NXPE2: variants seen among roughly 807,000 people sequenced by gnomAD.
The protein encoded by NXPE2 is NXPE family member 2.
A neutral mutation model predicts 34.4 loss-of-function variants in NXPE2; 34 were observed. That is an observed-to-expected ratio of 0.99 (90% CI 0.75 to 1.31). The LOEUF (loss-of-function observed/expected upper bound fraction) is 1.31, where lower values mean the gene tolerates loss of function less well. Ranked by LOEUF, NXPE2 falls within the 40% of genes most tolerant of loss-of-function variation. The pLI is 0.00. For synonymous variants in NXPE2, 235 were observed against 231.3 expected, an observed-to-expected ratio of 1.02 and a Z score of -0.15; for missense variants, 649 against 672.5, an observed-to-expected ratio of 0.97 and a Z score of 0.39.
chr11:114,771,351 A>G, the NXPE2 span, among the ~76,000 whole-genome samples: 4 of 149,946 alleles, frequency 2.7e-5, no homozygotes, highest in South Asian at 2.2e-4. Context: ...TGACAGCACA[A>G]GGATATTCAA....
chr11:114,716,137 G>A, the NXPE2 span, among the ~76,000 whole-genome samples: 9 of 152,120 alleles, frequency 5.9e-5, no homozygotes, highest in African/African-American at 1.4e-4. Context: ...GTACCCCCTC[G>A]GTTTTCATTT....
chr11:114,540,439 T>C, the NXPE2 span, among the ~76,000 whole-genome samples: 1 of 152,208 alleles, frequency 6.6e-6, no homozygotes, highest in Non-Finnish European at 1.5e-5. Context: ...CACTAACTCA[T>C]AACTATATAT....
At chr11:114,717,594 T>C in the NXPE2 span, among the ~76,000 whole-genome samples, 1 of 152,212 alleles carries the variant, frequency 6.6e-6, no homozygotes. Flanking sequence ...TTAACTTCCA[T>C]GAGTGTGTTT....
At chr11:114,607,471 C>T in the NXPE2 span, among the ~76,000 whole-genome samples, 1 of 151,754 alleles carries the variant, frequency 6.6e-6, no homozygotes, top group African/African-American at 2.4e-5. Flanking sequence ...ATAAATATTG[C>T]CTCATGGGTG....
the NXPE2 span, among the ~76,000 whole-genome samples, chr11:114,728,531 C>T: frequency 6.6e-6 from 1 of 152,074 alleles, no homozygotes; most frequent in Non-Finnish European, 1.5e-5. Context: ...TGACAAAACA[C>T]ATCAGTTAAA....
the NXPE2 span, among the ~76,000 whole-genome samples, chr11:114,799,311 A>AAAG: frequency 3.8e-5 from 5 of 133,020 alleles, no homozygotes; most frequent in Non-Finnish European, 4.8e-5. Flanking sequence ...AAAAAAAAAA[A>AAAG]AAAATTGGTG....
the NXPE2 span, among the ~76,000 whole-genome samples, chr11:114,610,013 T>C: frequency 0.18 from 26,800 of 151,526 alleles, 2,620 homozygotes; most frequent in African/African-American, 0.25. Flanking sequence ...TGGTAGATAA[T>C]ACATGTTGCC....
At chr11:114,658,753 G>A in the NXPE2 span, among the ~76,000 whole-genome samples, 1 of 152,186 alleles carries the variant, frequency 6.6e-6, no homozygotes, top group Non-Finnish European at 1.5e-5. Context: ...TTCTAATGCT[G>A]TGGAGAAGAG....
the NXPE2 span, among the ~76,000 whole-genome samples, chr11:114,763,903 C>A: frequency 6.6e-6 from 1 of 152,074 alleles, no homozygotes; most frequent in African/African-American, 2.4e-5. Flanking sequence ...TCTAATTTTT[C>A]TTTATCAGTC....
chr11:114,511,033 C>T, the NXPE2 span, among the ~76,000 whole-genome samples: 3 of 152,016 alleles, frequency 2.0e-5, no homozygotes, highest in African/African-American at 4.8e-5. Flanking sequence ...TCTTCTACTA[C>T]CAACCTAGGA....
At chr11:114,522,319 G>GT in the NXPE2 span, 1 of 1,614,098 alleles carries the variant, frequency 6.2e-7, no homozygotes, top group South Asian at 1.1e-5. Flanking sequence ...CGATGGCTGT[G>GT]TTTTTGTCAC....
chr11:114,515,750 A>G, the NXPE2 span, among the ~76,000 whole-genome samples: 1 of 106,050 alleles, frequency 9.4e-6, no homozygotes, highest in Non-Finnish European at 1.8e-5. Context: ...GAAAGTAAGT[A>G]TGAAAGGGCA....
At chr11:114,646,057 A>T in the NXPE2 span, among the ~76,000 whole-genome samples, 1 of 152,134 alleles carries the variant, frequency 6.6e-6, no homozygotes, top group Non-Finnish European at 1.5e-5. Flanking sequence ...ATATGATATG[A>T]TCTGCAAATA....
rs188578572 is a variant in NXPE2 at position 114,690,682 on chromosome 11, T to C, written c.133-7363T>C. Among the ~76,000 whole-genome samples the C allele has an allele frequency of 4.1e-4, 62 of 152,294 alleles. 1 individual carries two copies. The highest frequency in any genetic ancestry group is 7.2e-4 in the Non-Finnish European group (49 of 68,012). ...GACATTTTCCTATATTCAAATATAC[T>C]TTCCAAGTTGCTTACTCTCCCTTCT... On this transcript the variant is annotated intron_variant, in intron 2 of 5. Transcript: ENST00000389586.
At chr11:114,643,070 G>A in the NXPE2 span, among the ~76,000 whole-genome samples, 2 of 152,206 alleles carry the variant, frequency 1.3e-5, no homozygotes, top group South Asian at 4.1e-4. Context: ...TTTGAGAAGT[G>A]TCCATTCATA....
At chr11:114,809,388 A>G in the NXPE2 span, among the ~76,000 whole-genome samples, 2 of 151,696 alleles carry the variant, frequency 1.3e-5, no homozygotes, top group African/African-American at 4.8e-5. Context: ...CAATTAGGAA[A>G]AGAGGAAGTC....
At chr11:114,687,417 G>T (rs1951068743) in intron 2 of NXPE2, among the ~76,000 whole-genome samples, 1 of 151,922 alleles carries the variant, frequency 6.6e-6, no homozygotes, top group Non-Finnish European at 1.5e-5. Context: ...AACATTAGTT[G>T]GTTACAGGTG....
At chr11:114,533,686 T>G in the NXPE2 span, among the ~76,000 whole-genome samples, 2 of 152,206 alleles carry the variant, frequency 1.3e-5, no homozygotes, top group Non-Finnish European at 2.9e-5. Flanking sequence ...CCTTGCTCAT[T>G]GCTAGCACAG....
the NXPE2 span, chr11:114,551,961 C>A: frequency 6.6e-6 from 1 of 152,206 alleles, no homozygotes; most frequent in Non-Finnish European, 1.5e-5. Flanking sequence ...AGCCTTGCCT[C>A]TTTGTCCCTT....
Sources: gnomAD v4.1 joint callset for allele counts (sites outside exome capture counted in the v4.1 genomes callset) on GRCh38, gnomAD v4.1.1 for gene constraint, MANE v1.5 for transcripts, NCBI Gene and HGNC (gene_info 2026-07-23, HGNC 2026-07-21) for gene names.